Variants in CCT4 observed in about 807,000 individuals in gnomAD.
CCT4 encodes T-complex protein 1 subunit delta.
Under a neutral mutation model 62.5 loss-of-function variants are expected in CCT4, and 17 were observed. The observed-to-expected ratio is 0.27, with a 90% CI of 0.19 to 0.41. CCT4 has a LOEUF of 0.41. Ranked by LOEUF, CCT4 falls within the 10% of genes least tolerant of loss-of-function variation. CCT4 has a pLI of 1.00. For synonymous variants in CCT4, 250 were observed against 229.9 expected, an observed-to-expected ratio of 1.09 and a Z score of -0.79; for missense variants, 592 against 659.2, an observed-to-expected ratio of 0.90 and a Z score of 1.12.
At chr2:61,872,360 A>G in intron 11 of CCT4, 44 bp from the exon 12 acceptor site, 1 of 1,460,224 alleles carries the variant, frequency 6.8e-7, no homozygotes, top group Non-Finnish European at 9.2e-7. Context: ...ATCCAAAAGA[A>G]AATTATTTTT....
chr2:61,873,299 A>G lies in CCT4; in HGVS notation c.918-6T>C. On this transcript the variant is annotated splice_region_variant and splice_polypyrimidine_tract_variant and intron_variant, in intron 8 of 13. Transcript: ENST00000394440. ...CAAGATCACTAAGAGCATCTCTAAA[A>G]TACAAAATCAGTGATTATGTCAATG... The G allele has an allele frequency of 6.8e-7, 1 of 1,475,702 alleles. No individual in the cohort carries two copies. Among genetic ancestry groups the G allele is most frequent in the South Asian group, 1.1e-5 (1 of 87,142 alleles). The allele number at this position is 1,475,702 out of a possible 1,614,324, so 91.4% of individuals were successfully genotyped here. A position where few individuals can be genotyped will look rare whatever the true frequency, so the allele number is the denominator to read the frequency against.
chr2:61,874,416 C>G (rs1191568384), intron 8 of CCT4, among the ~76,000 whole-genome samples: 1 of 151,738 alleles, frequency 6.6e-6, no homozygotes, highest in Non-Finnish European at 1.5e-5. Flanking sequence ...GTCAGGAGTG[C>G]AAGACCAGCC....
chr2:61,869,601 A>T, intron 12 of CCT4, 48 bp from the exon 13 acceptor site: 1 of 998,088 alleles, frequency 1.0e-6, no homozygotes, highest in South Asian at 1.3e-5. Flanking sequence ...GTGATAATAC[A>T]CATCAGCAGC....
Position 61,883,480 on chromosome 2 carries a change from T to C in CCT4, c.249A>G (p.Val83=). 2.6e-6 allele frequency: 4 copies of C among 1,558,316 alleles called. No homozygotes were observed. The highest frequency in any genetic ancestry group is 2.6e-6 in the Non-Finnish European group (3 of 1,137,680). Residue 83 remains valine, a synonymous_variant, in exon 3 of 14, where the codon GTA becomes GTG. Transcript: ENST00000394440. ...TTACCATTCTGGCTGCTGGATGTAA[T>C]ACTTGCATTTGTTTCAGAATGGTAG... ...DGATILKQMQ[V]LHPAARMLVE... is the part of the protein sequence containing the mutation.
chr2:61,872,689 A>G (rs1313469609), intron 10 of CCT4, 101 bp from the exon 11 acceptor site: 5 of 1,198,750 alleles, frequency 4.2e-6, no homozygotes, highest in Non-Finnish European at 5.9e-6. Flanking sequence ...ACACTTTGGG[A>G]GGATGAGGCG....
intron 8 of CCT4, among the ~76,000 whole-genome samples, chr2:61,874,844 C>T (rs950868369): frequency 7.9e-5 from 12 of 152,140 alleles, no homozygotes; most frequent in Middle Eastern, 3.4e-3. Context: ...ATATATCCTA[C>T]ATTTAAAAGG....
chr2:61,868,350 T>C lies in CCT4; in HGVS notation c.*342A>G, dbSNP rs925179358. 4.1e-6 allele frequency: 1 copy of C among 244,168 alleles called. No individual in the cohort carries two copies. The highest frequency in any genetic ancestry group is 8.0e-6 in the Non-Finnish European group (1 of 125,250). The allele number at this position is 244,168 out of a possible 1,614,324, so 15.1% of individuals were successfully genotyped here. Reference sequence around the variant, plus strand: ...AGACAGCATATATATTATATGTTGGTAGTTTTTAAGGCCAGGGAGCATTTA... The same window carrying C: ...AGACAGCATATATATTATATGTTGGCAGTTTTTAAGGCCAGGGAGCATTTA... On this transcript the variant is annotated 3_prime_UTR_variant, in exon 14 of 14. Transcript: ENST00000394440.
intron 1 of CCT4, 94 bp from the exon 2 acceptor site, chr2:61,885,166 T>A: frequency 1.1e-6 from 1 of 926,090 alleles, no homozygotes; most frequent in Non-Finnish European, 1.5e-6. Flanking sequence ...GGCCTCAAAC[T>A]CCTGGGCTCA....
chr2:61,877,477 C>G lies in CCT4; in HGVS notation c.560G>C (p.Ser187Thr). ...SQYSSLLSPM[S>T]VNAVMKVIDP... Reference sequence around the variant, plus strand: ...AATCACTTTCATCACTGCATTTACACTCATTGGAGAAAGCAGACTTGAATA... The same window carrying G: ...AATCACTTTCATCACTGCATTTACAGTCATTGGAGAAAGCAGACTTGAATA... The change falls in exon 6 of 14, where the codon AGT (serine) becomes ACT (threonine). Residue 187 changes from serine (S) to threonine (T), a missense_variant. Coordinates refer to ENST00000394440, the MANE Select transcript of CCT4 (RefSeq NM_006430.4). 1.2e-6 allele frequency: 2 copies of G among 1,607,096 alleles called. No individual in the cohort carries two copies. The highest frequency in any genetic ancestry group is 2.2e-5 in the South Asian group (2 of 89,822).
At chr2:61,886,939 A>G (rs1669267117) in intron 1 of CCT4, among the ~76,000 whole-genome samples, 1 of 152,046 alleles carries the variant, frequency 6.6e-6, no homozygotes, top group Non-Finnish European at 1.5e-5. Context: ...TTGTATTTTT[A>G]GTAGAGACGG....
chr2:61,874,567 C>T (rs943697930), intron 8 of CCT4, among the ~76,000 whole-genome samples: 1 of 151,098 alleles, frequency 6.6e-6, no homozygotes, highest in East Asian at 2.0e-4. Flanking sequence ...GCTGAGACTG[C>T]GCCATTGTAC....
intron 2 of CCT4, among the ~76,000 whole-genome samples, chr2:61,883,771 T>TAGACAGAC (rs55889535): frequency 5.6e-5 from 6 of 107,584 alleles, no homozygotes; most frequent in South Asian, 3.0e-4. Flanking sequence ...TGAAGAAATG[T>TAGACAGAC]AGACACACAC....
chr2:61,872,358 G>T, intron 11 of CCT4, 42 bp from the exon 12 acceptor site: 1 of 1,462,154 alleles, frequency 6.8e-7, no homozygotes, highest in Non-Finnish European at 9.2e-7. Flanking sequence ...TTATCCAAAA[G>T]AAAATTATTT....
chr2:61,876,850 T>C, intron 7 of CCT4, 70 bp downstream of exon 7: 1 of 1,338,102 alleles, frequency 7.5e-7, no homozygotes, highest in African/African-American at 1.5e-5. Context: ...TTTTCTATTT[T>C]TAATAAAGAA....
At chr2:61,882,022 C>T (rs1175090495) in intron 3 of CCT4, among the ~76,000 whole-genome samples, 1 of 151,812 alleles carries the variant, frequency 6.6e-6, no homozygotes, top group Non-Finnish European at 1.5e-5. Context: ...CAACCTCTGC[C>T]TCCCCGGTTC....
rs907849450 is a variant in CCT4, at chr2:61,888,653, G to C, written c.-146C>G. 1.1e-6 allele frequency: 1 copy of C among 943,014 alleles called. No homozygotes were observed. Among genetic ancestry groups the C allele is most frequent in the South Asian group, 1.8e-5 (1 of 56,746 alleles). 58.4% of individuals were successfully genotyped at this position (943,014 alleles called of 1,614,324 possible). On this transcript the variant is annotated 5_prime_UTR_variant, in exon 1 of 14. Coordinates refer to ENST00000394440, the MANE Select transcript of CCT4 (RefSeq NM_006430.4). ...GGCGTCGGGAGGAGGCGGAGGCGGA[G>C]AAGGGGGCCTTCCTTGCCGCGCGGC...
At chr2:61,888,278 G>C (rs1462780997) in intron 1 of CCT4, 103 bp downstream of exon 1, 17 of 1,370,108 alleles carry the variant, frequency 1.2e-5, no homozygotes, top group Non-Finnish European at 1.7e-5. Flanking sequence ...GACAAGAGAG[G>C]ATCACCCGAA....
At position 61,877,402 on chromosome 2, in the gene CCT4, TTAAC is replaced by T; in HGVS notation, c.631_634del (p.Val211ArgfsTer27). On this transcript the variant is annotated frameshift_variant, in exon 6 of 14. Transcript: ENST00000394440. LOFTEE classifies it high-confidence loss of function. ...AATTAGAGATGCTTACCCAAGCTTC[TTAAC>T]TATTTTAATATCTCTAAGATCTACA... 1 of 1,565,060 alleles carries T rather than the reference TTAAC, an allele frequency of 6.4e-7. No homozygotes were observed. Among genetic ancestry groups the T allele is most frequent in the Non-Finnish European group, 8.7e-7 (1 of 1,153,866 alleles).
chr2:61,879,274 T>TC (rs1553362377), intron 4 of CCT4, among the ~76,000 whole-genome samples: 2 of 145,818 alleles, frequency 1.4e-5, no homozygotes, highest in East Asian at 2.0e-4. Context: ...TTTTTTTTTT[T>TC]TTTCTGAGAC....
Sources: gnomAD v4.1 joint callset for allele counts (sites outside exome capture counted in the v4.1 genomes callset) on GRCh38, gnomAD v4.1.1 for gene constraint, MANE v1.5 for transcripts, NCBI Gene and HGNC (gene_info 2026-07-23, HGNC 2026-07-21) for gene names.